The following MMP28 variants were observed in gnomAD, a reference collection of about 807,000 sequenced individuals.
MMP28 encodes matrix metalloproteinase-28.
A neutral mutation model predicts 60.5 loss-of-function variants in MMP28; 55 were observed. The observed-to-expected ratio is 0.91, with a 90% CI of 0.73 to 1.14. MMP28 has a LOEUF of 1.14. MMP28 is among the 50% of genes most tolerant of loss of function. MMP28 has a pLI of 0.00. For missense variants in MMP28, 686 were observed against 738.3 expected, an observed-to-expected ratio of 0.93 and a Z score of 0.82; for synonymous variants, 318 against 312.5, an observed-to-expected ratio of 1.02 and a Z score of -0.18.
chr17:35,764,679 C>T, downstream of MMP28: 1 of 1,490,994 alleles, frequency 6.7e-7, no homozygotes, highest in Middle Eastern at 2.4e-4. Context: ...CCCCTACCGA[C>T]CTTCTCTCTT....
chr17:35,774,341 C>T (rs1184537650), intron 3 of MMP28, among the ~76,000 whole-genome samples: 1 of 152,126 alleles, frequency 6.6e-6, no homozygotes, highest in Non-Finnish European at 1.5e-5. Flanking sequence ...GGAAGACTCG[C>T]GGCTTGGAGG....
rs200165337 is a variant in MMP28 at position 35,786,699 on chromosome 17, C to CAAAAAAAAAAAAAAAAAAAAAAAAAA, written c.112-7377_112-7376insTTTTTTTTTTTTTTTTTTTTTTTTTT. ...GCCTCATAGTGAGATCCTGTCTCTA[C>CAAAAAAAAAAAAAAAAAAAAAAAAAA]AAAAAAAAAAAAAAAAGATGAATGA... On this transcript the variant is annotated intron_variant, in intron 1 of 7. Transcript: ENST00000605424. Among the ~76,000 whole-genome samples the CAAAAAAAAAAAAAAAAAAAAAAAAAA allele has an allele frequency of 4.5e-3, 320 of 70,948 alleles. 9 individuals are homozygous for CAAAAAAAAAAAAAAAAAAAAAAAAAA. Among genetic ancestry groups the CAAAAAAAAAAAAAAAAAAAAAAAAAA allele is most frequent in the Non-Finnish European group, 6.0e-3 (217 of 35,874 alleles). The allele number at this position is 70,948 out of a possible 152,430, so 46.5% of individuals were successfully genotyped here.
chr17:35,780,138 A>G (rs141307489), intron 1 of MMP28, among the ~76,000 whole-genome samples: 151,248 of 151,846 alleles, frequency 1, 75,326 homozygotes, highest in Middle Eastern at 1. Context: ...GTACAATCTC[A>G]GCTCACTGCA....
chr17:35,767,156 A>C, intron 7 of MMP28: 1 of 687,748 alleles, frequency 1.5e-6, no homozygotes, highest in South Asian at 1.5e-5. Context: ...AGCTTTCTCC[A>C]CTGCCATCAT....
chr17:35,782,362 T>C (rs1555609598), intron 1 of MMP28, among the ~76,000 whole-genome samples: 1 of 152,188 alleles, frequency 6.6e-6, no homozygotes, highest in Non-Finnish European at 1.5e-5. Context: ...GCCACCATGC[T>C]GTATTTCTTA....
chr17:35,770,249 C>G lies in MMP28; in HGVS notation c.668G>C (p.Arg223Pro), dbSNP rs372881071. Residue 223 changes from arginine to proline, a missense_variant, in exon 5 of 8, where the codon CGC (arginine) becomes CCC (proline). Coordinates refer to ENST00000605424, the MANE Select transcript of MMP28 (RefSeq NM_024302.5). ...CCCGCGGCGGCGGCTCAGGGACCAG[C>G]GCTCATCTTGGTCGAAGTGCGCTTC... ...RGEAHFDQDE[R>P]WSLSRRRGRN... The G allele has an allele frequency of 6.3e-7, 1 of 1,586,654 alleles. No individual in the cohort carries two copies. Among genetic ancestry groups the G allele is most frequent in the East Asian group, 2.3e-5 (1 of 44,040 alleles).
At chr17:35,767,957 A>G (rs1459633242) in intron 6 of MMP28, 38 bp from the exon 7 acceptor site, 1 of 1,531,628 alleles carries the variant, frequency 6.5e-7, no homozygotes, top group Non-Finnish European at 8.8e-7. Context: ...AGTGACCATC[A>G]GCTTCCTGCT....
At chr17:35,790,231 T>C (rs1002447840) in intron 1 of MMP28, among the ~76,000 whole-genome samples, 4 of 152,042 alleles carry the variant, frequency 2.6e-5, no homozygotes, top group Admixed American at 2.6e-4. Flanking sequence ...ACCTGGCTAA[T>C]TTTTACTATT....
chr17:35,795,347 C>T lies in MMP28; in HGVS notation c.31G>A (p.Ala11Thr). 1.4e-6 allele frequency: 2 copies of T among 1,459,696 alleles called. No individual in the cohort carries two copies. The highest frequency in any genetic ancestry group is 1.8e-6 in the Non-Finnish European group (2 of 1,107,524). The allele number at this position is 1,459,696 out of a possible 1,614,324, so 90.4% of individuals were successfully genotyped here. The change falls in exon 1 of 8, where the codon GCC (alanine) becomes ACC (threonine). Residue 11 changes from alanine (A) to threonine (T), a missense_variant. Ala to Thr is a moderately conservative substitution (Grantham distance 58). Coordinates refer to ENST00000605424, the MANE Select transcript of MMP28 (RefSeq NM_024302.5). The stretch of plus-strand genomic sequence containing the variant: ...TGGCCCCACAGTAGCAGCTGCAGGG[C>T]GCGCAGCAGGAGGCCGACGCGCGCG... MVARVGLLLR[A>T]LQLLLWGHLD...
downstream of MMP28, chr17:35,764,085 G>T (rs1238687534): frequency 1.9e-6 from 3 of 1,550,312 alleles, no homozygotes; most frequent in African/African-American, 4.1e-5. Context: ...GGGAAGGAGG[G>T]GTCGGAGGAC....
intron 1 of MMP28, among the ~76,000 whole-genome samples, chr17:35,783,047 T>C (rs535511762): frequency 6.6e-6 from 1 of 152,062 alleles, no homozygotes; most frequent in East Asian, 1.9e-4. Flanking sequence ...AGGATGGTCT[T>C]GATCTCCTGA....
chr17:35,778,700 A>G, intron 3 of MMP28, 188 bp downstream of exon 3: 1 of 1,334,116 alleles, frequency 7.5e-7, no homozygotes. Context: ...TGTAGGTGTC[A>G]TTCTGAATTA....
chr17:35,762,178 C>T (rs1018554335), downstream of MMP28, among the ~76,000 whole-genome samples: 14 of 151,972 alleles, frequency 9.2e-5, no homozygotes, highest in South Asian at 2.1e-4. Flanking sequence ...TTAGTAGAGA[C>T]GGGGTTTCTC....
intron 1 of MMP28, among the ~76,000 whole-genome samples, chr17:35,787,056 G>A (rs2086673269): frequency 6.6e-6 from 1 of 152,062 alleles, no homozygotes. Context: ...AAGGGGCAAG[G>A]GCCAAGCTGC....
intron 5 of MMP28, among the ~76,000 whole-genome samples, chr17:35,768,910 C>T (rs1568139492): frequency 6.6e-6 from 1 of 152,188 alleles, no homozygotes; most frequent in Non-Finnish European, 1.5e-5. Context: ...GAGGAACCTC[C>T]TGAGATAAAA....
At chr17:35,764,182 C>G, downstream of MMP28, 2 of 1,548,268 alleles carry the variant, frequency 1.3e-6, no homozygotes, top group Non-Finnish European at 1.7e-6. Flanking sequence ...GCGAAGGCCG[C>G]GAGCGGCGCT....
At chr17:35,778,715 T>TCG in intron 3 of MMP28, 173 bp downstream of exon 3, 2 of 1,396,256 alleles carry the variant, frequency 1.4e-6, no homozygotes, top group South Asian at 2.9e-5. Context: ...GAATTAAATG[T>TCG]CTGTATTCAC....
At chr17:35,774,165 G>A (rs527568745) in intron 3 of MMP28, among the ~76,000 whole-genome samples, 1 of 152,296 alleles carries the variant, frequency 6.6e-6, no homozygotes, top group African/African-American at 2.4e-5. Flanking sequence ...CCTCCCTGAG[G>A]GCTGAGACTC....
At chr17:35,758,804 A>G (rs1197442127) in intron 2 of MMP28, among the ~76,000 whole-genome samples, 3 of 152,238 alleles carry the variant, frequency 2.0e-5, no homozygotes, top group South Asian at 2.1e-4. Flanking sequence ...CACAAAACCC[A>G]AAACAGCCTT....
Sources: allele counts gnomAD v4.1 joint callset (sites outside exome capture counted in the v4.1 genomes callset), GRCh38; gene constraint gnomAD v4.1.1; transcripts MANE v1.5; gene names NCBI Gene and HGNC (gene_info 2026-07-23, HGNC 2026-07-21).